SH3PXD2B: variants seen among roughly 807,000 people sequenced by gnomAD.
SH3PXD2B encodes SH3 and PX domain-containing protein 2B.
In SH3PXD2B, 37 loss-of-function variants were observed where a neutral mutation model predicts 73.1. That is an observed-to-expected ratio of 0.51 (90% CI 0.39 to 0.67). The LOEUF (loss-of-function observed/expected upper bound fraction) is 0.67, where lower values mean the gene tolerates loss of function less well. SH3PXD2B is among the 30% of genes least tolerant of loss of function. The pLI is 0.00. For synonymous variants in SH3PXD2B, 457 were observed against 480.5 expected (o/e 0.95, Z 0.64); for missense variants, 1,053 against 1,197.8 (o/e 0.88, Z 1.78).
At chr5:172,368,697 A>T (rs200960362) in intron 6 of SH3PXD2B, among the ~76,000 whole-genome samples, 749 of 21,570 alleles carry the variant, frequency 0.035, 169 homozygotes, top group African/African-American at 0.11. Context: ...TATATATATA[A>T]AATATATATA....
rs779426848 is a variant in SH3PXD2B at position 172,376,836 on chromosome 5, G to C, written c.402-3021C>G. On this transcript the variant is annotated intron_variant, in intron 5 of 12. Transcript: ENST00000311601. ...AGGGTTACTCCATTTTGCAGATGAA[G>C]ATACTGACGCCCAGAGAGGTGAGGT... Among the ~76,000 whole-genome samples, 40 of 152,230 alleles carry C rather than the reference G, an allele frequency of 2.6e-4. 1 individual carries two copies. The highest frequency in any genetic ancestry group is 7.8e-4 in the Admixed American group (12 of 15,288).
At position 172,454,311 on chromosome 5, in the gene SH3PXD2B, G is replaced by A. The variant is rs201996778; in HGVS notation, c.42C>T (p.Asp14=). The A allele has an allele frequency of 2.1e-5, 34 of 1,599,200 alleles. No individual in the cohort carries two copies. Among genetic ancestry groups the A allele is most frequent in the Non-Finnish European group, 2.6e-5 (31 of 1,175,690 alleles). The change falls in exon 1 of 13, where the codon GAC becomes GAT. Residue 14 remains aspartate, a synonymous_variant. Coordinates refer to ENST00000311601, the MANE Select transcript of SH3PXD2B (RefSeq NM_001017995.3). ...RRSIVEVKVL[D]VQKRRVPNKH... is the part of the protein sequence containing the mutation. ...TGTTGGGCACCCGCCGCTTCTGCAC[G>A]TCTAGCACCTTCACCTCCACGATGC...
chr5:172,412,193 G>A (rs528603586), intron 2 of SH3PXD2B, among the ~76,000 whole-genome samples: 112 of 152,284 alleles, frequency 7.4e-4, no homozygotes, highest in Non-Finnish European at 1.3e-3. Flanking sequence ...TGTGTTTTAA[G>A]GTTGGCAAAA....
chr5:172,355,576 G>A (rs1159212192), intron 8 of SH3PXD2B, among the ~76,000 whole-genome samples: 6 of 149,226 alleles, frequency 4.0e-5, no homozygotes, highest in African/African-American at 9.9e-5. Context: ...ACGGATTCTC[G>A]CTCTGTCGCC....
rs777611778 is a variant in SH3PXD2B at position 172,355,548 on chromosome 5, C to CT, written c.668-1544dup. On this transcript the variant is annotated intron_variant, in intron 8 of 12. Transcript: ENST00000311601. ...GAGTTGCATGGATGGATTTTCTTTT[C>CT]TTTTTTTTTTTTTTTAGACGGATTC... Among the ~76,000 whole-genome samples the CT allele has an allele frequency of 1.2e-3, 169 of 140,238 alleles. 1 individual carries two copies. Among genetic ancestry groups the CT allele is most frequent in the South Asian group, 1.1e-3 (5 of 4,386 alleles). 92.0% of individuals were successfully genotyped at this position (140,238 alleles called of 152,430 possible). A position where few individuals can be genotyped will look rare whatever the true frequency, so the allele number is the denominator to read the frequency against.
At chr5:172,433,599 C>T (rs1258915870) in intron 1 of SH3PXD2B, among the ~76,000 whole-genome samples, 7 of 152,146 alleles carry the variant, frequency 4.6e-5, no homozygotes, top group African/African-American at 7.2e-5. Flanking sequence ...GAGCCCCTGC[C>T]GGGTGCCAGC....
intron 2 of SH3PXD2B, among the ~76,000 whole-genome samples, chr5:172,412,128 G>T (rs1758715694): frequency 1.3e-5 from 2 of 152,202 alleles, no homozygotes; most frequent in Admixed American, 6.5e-5. Context: ...CCATTTTATA[G>T]CATGTGGCAG....
In SH3PXD2B at chr5:172,335,969, A is replaced by G. The variant is rs1756680884; in HGVS notation, c.*2400T>C. 1 of 1,060,158 alleles carries G rather than the reference A, an allele frequency of 9.4e-7. No individual in the cohort carries two copies. The highest frequency in any genetic ancestry group is 1.7e-5 in the African/African-American group (1 of 60,134). 65.7% of individuals were successfully genotyped at this position (1,060,158 alleles called of 1,614,324 possible). ...TGGCAGATTCTTTCATTTGCAGGAAAACTTTCTGCCTAGAGGAAGGCAGGG... is the reference window on the plus strand; with the variant it reads ...TGGCAGATTCTTTCATTTGCAGGAAGACTTTCTGCCTAGAGGAAGGCAGGG... On this transcript the variant is annotated 3_prime_UTR_variant, in exon 13 of 13. Transcript: ENST00000311601.
At chr5:172,390,548 T>C (rs879042522) in intron 4 of SH3PXD2B, among the ~76,000 whole-genome samples, 1 of 152,132 alleles carries the variant, frequency 6.6e-6, no homozygotes, top group Admixed American at 6.5e-5. Context: ...TGTGGCACGC[T>C]CCCAGTGCCT....
chr5:172,368,488 TATATATATTATATATATATATATAA>T (rs1213424763), intron 6 of SH3PXD2B, among the ~76,000 whole-genome samples: 2 of 11,964 alleles, frequency 1.7e-4, no homozygotes, highest in African/African-American at 3.9e-4. Flanking sequence ...ATATAAAATA[TATATATATTATATATATATATATAA>T]AATATATATA....
intron 7 of SH3PXD2B, among the ~76,000 whole-genome samples, chr5:172,360,820 A>G (rs1757384903): frequency 6.6e-6 from 1 of 152,204 alleles, no homozygotes; most frequent in Admixed American, 6.5e-5. Context: ...CAACAGAGTG[A>G]GTCTCCGTCT....
chr5:172,400,093 G>GA (rs1476092250), intron 3 of SH3PXD2B, among the ~76,000 whole-genome samples: 1 of 152,138 alleles, frequency 6.6e-6, no homozygotes. Flanking sequence ...TTATCTTCCA[G>GA]AGAGATCAGC....
At chr5:172,446,922 T>C (rs1561586979) in intron 1 of SH3PXD2B, among the ~76,000 whole-genome samples, 1 of 152,190 alleles carries the variant, frequency 6.6e-6, no homozygotes, top group Non-Finnish European at 1.5e-5. Context: ...TCTAGTTCTC[T>C]AGCTCACGGA....
At chr5:172,420,069 G>A (rs1460604640) in intron 2 of SH3PXD2B, among the ~76,000 whole-genome samples, 1 of 152,190 alleles carries the variant, frequency 6.6e-6, no homozygotes, top group South Asian at 2.1e-4. Flanking sequence ...GGCATCGAAA[G>A]ATGCTGGGCA....
chr5:172,355,845 T>C (rs1757260516), intron 8 of SH3PXD2B, among the ~76,000 whole-genome samples: 1 of 152,098 alleles, frequency 6.6e-6, no homozygotes, highest in Non-Finnish European at 1.5e-5. Context: ...CGCCCAGCCA[T>C]GGATGGATTT....
chr5:172,373,862 G>A (rs541408764), intron 5 of SH3PXD2B, 47 bp from the exon 6 acceptor site: 1 of 1,603,126 alleles, frequency 6.2e-7, no homozygotes, highest in South Asian at 1.1e-5. Flanking sequence ...GTCAGTACTT[G>A]CCATGTATTG....
chr5:172,350,354 G>A lies in SH3PXD2B; in HGVS notation c.1012+9C>T. 2 of 1,613,032 alleles carry A rather than the reference G, an allele frequency of 1.2e-6. No individual in the cohort carries two copies. The highest frequency in any genetic ancestry group is 1.7e-6 in the Non-Finnish European group (2 of 1,179,700). ...CTGATTATCAGGAGCTTGGGCGGGTGTCACTCACTCTGCTTGGCGTCACCG... is the reference window on the plus strand; with the variant it reads ...CTGATTATCAGGAGCTTGGGCGGGTATCACTCACTCTGCTTGGCGTCACCG... On this transcript the variant is annotated intron_variant, in intron 10 of 12. Transcript: ENST00000311601.
intron 1 of SH3PXD2B, among the ~76,000 whole-genome samples, chr5:172,436,261 G>GT (rs1420730560): frequency 6.6e-6 from 1 of 152,196 alleles, no homozygotes; most frequent in Non-Finnish European, 1.5e-5. Flanking sequence ...GAGAGGCCCC[G>GT]TGGGTGGGCT....
intron 1 of SH3PXD2B, among the ~76,000 whole-genome samples, chr5:172,438,471 G>A (rs889803907): frequency 6.6e-6 from 1 of 152,152 alleles, no homozygotes. Flanking sequence ...ACAAAAAGCC[G>A]AAACAGGGCC....
Sources: gnomAD v4.1 joint callset for allele counts (sites outside exome capture counted in the v4.1 genomes callset) on GRCh38, gnomAD v4.1.1 for gene constraint, MANE v1.5 for transcripts, NCBI Gene and HGNC (gene_info 2026-07-23, HGNC 2026-07-21) for gene names.